TTC13: variants seen among roughly 807,000 people sequenced by gnomAD.
The protein encoded by TTC13 is tetratricopeptide repeat protein 13.
Under a neutral mutation model 120.0 loss-of-function variants are expected in TTC13, and 62 were observed. That is an observed-to-expected ratio of 0.52 (90% CI 0.42 to 0.64). The LOEUF is 0.64. TTC13 is among the 30% of genes least tolerant of loss of function. The pLI is 0.00. For missense variants in TTC13, 824 were observed against 1,050.2 expected (o/e 0.78, Z 2.98); for synonymous variants, 384 against 393.5 (o/e 0.98, Z 0.28).
chr1:230,976,411 G>T (rs771745888), intron 1 of TTC13, among the ~76,000 whole-genome samples: 1 of 152,214 alleles, frequency 6.6e-6, no homozygotes, highest in Non-Finnish European at 1.5e-5. Flanking sequence ...GTTGTCCAGG[G>T]CGAAGAGGGA....
At position 230,907,223 on chromosome 1, in the gene TTC13, G is replaced by A. The variant is rs563831577; in HGVS notation, c.2469-204C>T. On this transcript the variant is annotated intron_variant, in intron 22 of 22. Coordinates refer to ENST00000366661, the MANE Select transcript of TTC13 (RefSeq NM_024525.5). The stretch of plus-strand genomic sequence containing the variant: ...GGCATCAGCCAACACGTTACAAGTC[G>A]CTTGGAAGTTAAGCCAGAGCTTTGA... Among the ~76,000 whole-genome samples the A allele has an allele frequency of 3.3e-5, 5 of 152,310 alleles. No homozygotes were observed. The East Asian group carries it at 7.7e-4, about 23-fold the overall frequency.
intron 8 of TTC13, among the ~76,000 whole-genome samples, chr1:230,938,499 T>C (rs1042677670): frequency 1.3e-5 from 2 of 152,222 alleles, no homozygotes; most frequent in African/African-American, 2.4e-5. Context: ...TTTCTGCCCA[T>C]ACTTTCAGTC....
intron 11 of TTC13, among the ~76,000 whole-genome samples, chr1:230,929,784 G>T (rs1002834422): frequency 6.6e-6 from 1 of 152,174 alleles, no homozygotes; most frequent in African/African-American, 2.4e-5. Context: ...ATGGACTGCT[G>T]CTTATCTCTA....
Position 230,943,873 on chromosome 1 carries a change from A to G in TTC13, c.605T>C (p.Leu202Pro). The change falls in exon 6 of 23, where the codon CTG becomes CCG. Residue 202 changes from leucine to proline, a missense_variant. Coordinates refer to ENST00000366661, the MANE Select transcript of TTC13 (RefSeq NM_024525.5). ...LHDIKNAELALFELSRVITLE... is the reference protein window; with the variant it reads ...LHDIKNAELAPFELSRVITLE... Reference sequence around the variant, plus strand: ...GGTAATTACTCGGCTCAGTTCGAACAGAGCAAGCTCAGCATTCTTAATGTC... The same window carrying G: ...GGTAATTACTCGGCTCAGTTCGAACGGAGCAAGCTCAGCATTCTTAATGTC... 6.2e-7 allele frequency: 1 copy of G among 1,611,438 alleles called. No homozygotes were observed.
intron 1 of TTC13, among the ~76,000 whole-genome samples, chr1:230,965,510 A>G (rs1677043525): frequency 6.6e-6 from 1 of 152,226 alleles, no homozygotes; most frequent in Non-Finnish European, 1.5e-5. Flanking sequence ...GAACACTTGT[A>G]CACTGCAGTG....
chr1:230,924,750 A>T, intron 14 of TTC13, 91 bp downstream of exon 14: 1 of 1,488,422 alleles, frequency 6.7e-7, no homozygotes, highest in Non-Finnish European at 9.2e-7. Context: ...TTAGCAAGCA[A>T]AACAGGGTTC....
intron 4 of TTC13, among the ~76,000 whole-genome samples, chr1:230,951,888 T>C (rs1420197615): frequency 6.6e-6 from 1 of 152,220 alleles, no homozygotes; most frequent in Non-Finnish European, 1.5e-5. Flanking sequence ...GCAATAACTA[T>C]TCTTTGGACA....
chr1:230,961,594 T>C (rs1676644344), intron 1 of TTC13, among the ~76,000 whole-genome samples: 1 of 152,108 alleles, frequency 6.6e-6, no homozygotes, highest in African/African-American at 2.4e-5. Context: ...AGTAGCAACC[T>C]GTATCCTACC....
rs559531106 is a variant in TTC13, at chr1:230,940,702, G to A, written c.673-146C>T. On this transcript the variant is annotated intron_variant, in intron 6 of 22. Transcript: ENST00000366661. The surrounding 1 kb of genome is among the most constrained non-coding windows in gnomAD (Gnocchi z 4.1). ...CAATCCTTGACCCCCTATATTATGC[G>A]GTGGGGTTCAAAGTCAACCAGCTGA... is the stretch of plus-strand genomic sequence containing the variant. The A allele has an allele frequency of 5.0e-5, 29 of 581,950 alleles. No individual in the cohort carries two copies. The highest frequency in any genetic ancestry group is 7.1e-5 in the Non-Finnish European group (23 of 325,348). The allele number at this position is 581,950 out of a possible 1,614,324, so 36.0% of individuals were successfully genotyped here.
chr1:230,978,674 A>G lies in TTC13; in HGVS notation c.157T>C (p.Ser53Pro). 6.7e-7 allele frequency: 1 copy of G among 1,486,294 alleles called. No individual in the cohort carries two copies. 92.1% of individuals were successfully genotyped at this position (1,486,294 alleles called of 1,614,324 possible). ...ALATEHYSPL[S>P]LLKQELQHRQ... ...TGCTGCAGCTCCTGCTTGAGCAGGGAGAGCGGCGAGTAGTGCTCGGTGGCC... is the reference window on the plus strand; with the variant it reads ...TGCTGCAGCTCCTGCTTGAGCAGGGGGAGCGGCGAGTAGTGCTCGGTGGCC... The change falls in exon 1 of 23, where the codon TCC (serine) becomes CCC (proline). Residue 53 changes from serine (S) to proline (P), a missense_variant. By Grantham distance (74) the Ser-to-Pro change is moderately conservative. Coordinates refer to ENST00000366661, the MANE Select transcript of TTC13 (RefSeq NM_024525.5). This position sits in a 1 kb window ranked among gnomAD's most constrained non-coding sequence, Gnocchi z 5.6.
At position 230,961,408 on chromosome 1, in the gene TTC13, A is replaced by G. The variant is rs536053044; in HGVS notation, c.272-105T>C. On this transcript the variant is annotated intron_variant, in intron 1 of 22. Coordinates refer to ENST00000366661, the MANE Select transcript of TTC13 (RefSeq NM_024525.5). ...GACTCCACAGAACCAAAATAAGAAC[A>G]GGTGTGAATAACACTAAAAGTGGCA... The G allele has an allele frequency of 5.3e-5, 42 of 787,490 alleles. No individual in the cohort carries two copies. The African/African-American group carries it at 6.6e-4, about 12-fold the overall frequency. 48.8% of individuals were successfully genotyped at this position (787,490 alleles called of 1,614,324 possible).
intron 20 of TTC13, among the ~76,000 whole-genome samples, chr1:230,909,256 C>T (rs1185749577): frequency 2.0e-5 from 3 of 152,202 alleles, no homozygotes; most frequent in Admixed American, 2.0e-4. Flanking sequence ...GTAATCCCAG[C>T]ACTTTGGGAG....
rs143336464 is a variant in TTC13, at chr1:230,964,873, C to G, written c.272-3570G>C. 2.7e-3 allele frequency among the ~76,000 whole-genome samples: 417 copies of G among 152,282 alleles called. 4 individuals carry two copies. The highest frequency in any genetic ancestry group is 9.3e-3 in the African/African-American group (387 of 41,564). ...TTGACAAAGGTGCCAAGAATACACA[C>G]TGGGGAAGGCAGTCTTTTCAATAAA... On this transcript the variant is annotated intron_variant, in intron 1 of 22. Coordinates refer to ENST00000366661, the MANE Select transcript of TTC13 (RefSeq NM_024525.5).
intron 6 of TTC13, among the ~76,000 whole-genome samples, chr1:230,943,570 T>C (rs1674715326): frequency 1.3e-5 from 2 of 152,216 alleles, no homozygotes; most frequent in Admixed American, 1.3e-4. Flanking sequence ...TCATACTAAA[T>C]ATTTTCAACC....
chr1:230,954,320 G>C lies in TTC13; in HGVS notation c.513+13C>G. On this transcript the variant is annotated intron_variant, in intron 4 of 22. Transcript: ENST00000366661. ...CATAAACTCAAAATTACATAAATAA[G>C]AAGAAAATTTACCTGAAGCATTGTT... The C allele has an allele frequency of 6.2e-7, 1 of 1,602,902 alleles. No individual in the cohort carries two copies. Among genetic ancestry groups the C allele is most frequent in the Non-Finnish European group, 8.5e-7 (1 of 1,171,740 alleles).
At chr1:230,926,365 C>T (rs371888550) in intron 12 of TTC13, among the ~76,000 whole-genome samples, 1 of 152,098 alleles carries the variant, frequency 6.6e-6, no homozygotes, top group Non-Finnish European at 1.5e-5. Flanking sequence ...ATTCTCCCAG[C>T]GATTAGTTGC....
intron 17 of TTC13, among the ~76,000 whole-genome samples, chr1:230,919,974 T>G (rs9432259): frequency 0.13 from 20,412 of 152,130 alleles, 1,388 homozygotes; most frequent in Middle Eastern, 0.16. Flanking sequence ...CCCTGAGCAC[T>G]CCCCAGCCTA....
intron 1 of TTC13, among the ~76,000 whole-genome samples, chr1:230,971,536 G>A (rs1256600149): frequency 6.6e-6 from 1 of 151,992 alleles, no homozygotes; most frequent in African/African-American, 2.4e-5. Context: ...TTATCGTAAA[G>A]CAAATTGAAA....
Position 230,978,707 on chromosome 1 carries a change from C to T in TTC13, c.124G>A (p.Gly42Ser). Residue 42 changes from glycine to serine, a missense_variant, in exon 1 of 23, where the codon GGC becomes AGC. Transcript: ENST00000366661. This position sits in a 1 kb window ranked among gnomAD's most constrained non-coding sequence, Gnocchi z 5.6. ...LGVLSAGLRPGALATEHYSPL... is the reference protein window; with the variant it reads ...LGVLSAGLRPSALATEHYSPL... ...GAGTAGTGCTCGGTGGCCAGGGCGC[C>T]TGGCCGCAGCCCGGCGGACAGGACC... 1 of 1,494,364 alleles carries T rather than the reference C, an allele frequency of 6.7e-7. No individual in the cohort carries two copies. Among genetic ancestry groups the T allele is most frequent in the Admixed American group, 2.2e-5 (1 of 45,602 alleles). The allele number at this position is 1,494,364 out of a possible 1,614,324, so 92.6% of individuals were successfully genotyped here. A position where few individuals can be genotyped will look rare whatever the true frequency, so the allele number is the denominator to read the frequency against.
Sources: allele counts gnomAD v4.1 joint callset (sites outside exome capture counted in the v4.1 genomes callset), GRCh38; gene constraint gnomAD v4.1.1; non-coding constraint Gnocchi (gnomAD v3.1); transcripts MANE v1.5; gene names NCBI Gene and HGNC (gene_info 2026-07-23, HGNC 2026-07-21).